MAD1L1: variants seen among roughly 807,000 people sequenced by gnomAD.
MAD1L1 encodes mitotic spindle assembly checkpoint protein MAD1.
MAD1L1 carries 95 observed loss-of-function variants against 96.9 expected under a neutral mutation model. The observed-to-expected ratio is 0.98, with a 90% confidence interval of 0.83 to 1.16. The LOEUF is 1.16. MAD1L1 is among the 50% of genes most tolerant of loss of function. The probability of loss-of-function intolerance (pLI) is 0.00; values close to 1 mark genes in which losing one functional copy is unlikely to be tolerated. For synonymous variants in MAD1L1, 473 were observed against 396.6 expected, an observed-to-expected ratio of 1.19 and a Z score of -2.29; for missense variants, 1,007 against 954.4, an observed-to-expected ratio of 1.06 and a Z score of -0.73.
At chr7:2,153,909 C>G in intron 10 of MAD1L1, among the ~76,000 whole-genome samples, 1 of 152,110 alleles carries the variant, frequency 6.6e-6, no homozygotes, top group East Asian at 1.9e-4. Flanking sequence ...TGTAATCCCA[C>G]CGCTTTGGGA....
chr7:1,910,793 G>A (rs1787966773), intron 17 of MAD1L1, among the ~76,000 whole-genome samples: 1 of 152,170 alleles, frequency 6.6e-6, no homozygotes, highest in Admixed American at 6.5e-5. Context: ...GCCGGGCCCC[G>A]CCCTGGGGAG....
intron 11 of MAD1L1, among the ~76,000 whole-genome samples, chr7:2,092,088 T>C (rs1486945866): frequency 6.6e-6 from 1 of 152,162 alleles, no homozygotes; most frequent in African/African-American, 2.4e-5. Flanking sequence ...GGTGGCACCA[T>C]TTTGCACTCC....
intron 17 of MAD1L1, among the ~76,000 whole-genome samples, chr7:1,931,883 C>T (rs998163550): frequency 6.6e-6 from 1 of 152,190 alleles, no homozygotes; most frequent in African/African-American, 2.4e-5. Context: ...TCTTGGCAGC[C>T]ATCCCTCTTT....
At chr7:1,987,908 C>T (rs1377319937) in intron 14 of MAD1L1, among the ~76,000 whole-genome samples, 1 of 152,214 alleles carries the variant, frequency 6.6e-6, no homozygotes, top group Non-Finnish European at 1.5e-5. Context: ...GGCTCCCAGG[C>T]ACGGGACCAT....
At chr7:1,929,185 CCTCCTCCCTT>C (rs1410523122) in intron 17 of MAD1L1, among the ~76,000 whole-genome samples, 5 of 152,078 alleles carry the variant, frequency 3.3e-5, no homozygotes, top group Non-Finnish European at 2.9e-5. Flanking sequence ...TTTTCTTCCA[CCTCCTCCCTT>C]CTCCTCCCTG....
chr7:2,017,533 G>A (rs1212499877), intron 12 of MAD1L1, among the ~76,000 whole-genome samples: 1 of 152,238 alleles, frequency 6.6e-6, no homozygotes, highest in Non-Finnish European at 1.5e-5. Context: ...CTCTGCCCTG[G>A]CCTGCGATAG....
Position 1,969,095 on chromosome 7 carries a change from G to A in MAD1L1, c.1505+11358C>T, listed in dbSNP as rs111245369. Among the ~76,000 whole-genome samples the A allele has an allele frequency of 1.6e-3, 251 of 152,180 alleles. 2 individuals are homozygous for A. The highest frequency in any genetic ancestry group is 5.7e-3 in the African/African-American group (236 of 41,532). On this transcript the variant is annotated intron_variant, in intron 15 of 18. Coordinates refer to ENST00000265854, the MANE Select transcript of MAD1L1 (RefSeq NM_001013836.2). The stretch of plus-strand genomic sequence containing the variant: ...GGCAATTCCATCTTTTCAAAAAATC[G>A]ACTGTTGGCCAGGTGTGGTGGCTCC...
intron 18 of MAD1L1, among the ~76,000 whole-genome samples, chr7:1,851,680 A>C (rs1386925214): frequency 6.6e-6 from 1 of 152,188 alleles, no homozygotes; most frequent in Non-Finnish European, 1.5e-5. Flanking sequence ...AGGTCCACAC[A>C]GGGGAAGGTG....
chr7:1,880,621 C>T (rs2128663688), intron 18 of MAD1L1, among the ~76,000 whole-genome samples: 1 of 152,330 alleles, frequency 6.6e-6, no homozygotes, highest in African/African-American at 2.4e-5. Context: ...CGTCCCATCT[C>T]AGGGGCCCCA....
chr7:1,863,747 C>T (rs1230349211), intron 18 of MAD1L1, among the ~76,000 whole-genome samples: 1 of 152,182 alleles, frequency 6.6e-6, no homozygotes, highest in Non-Finnish European at 1.5e-5. Flanking sequence ...ACCGTGGGCT[C>T]CCGTGCTCCT....
chr7:1,897,573 C>A (rs999739522), intron 18 of MAD1L1, among the ~76,000 whole-genome samples: 3 of 152,256 alleles, frequency 2.0e-5, no homozygotes, highest in Non-Finnish European at 2.9e-5. Flanking sequence ...CACCTCCACC[C>A]TGAGGGTCAA....
At chr7:2,017,814 C>T (rs537369927) in intron 12 of MAD1L1, among the ~76,000 whole-genome samples, 1 of 152,278 alleles carries the variant, frequency 6.6e-6, no homozygotes, top group African/African-American at 2.4e-5. Context: ...AGGCTGAGAA[C>T]GCCATAGCAG....
At chr7:1,978,044 C>T (rs572608039) in intron 15 of MAD1L1, among the ~76,000 whole-genome samples, 13 of 152,386 alleles carry the variant, frequency 8.5e-5, no homozygotes, top group Admixed American at 2.6e-4. Flanking sequence ...CCCAGACCTT[C>T]CCGATGCGCT....
At chr7:1,976,587 C>A (rs900366346) in intron 15 of MAD1L1, among the ~76,000 whole-genome samples, 2 of 152,230 alleles carry the variant, frequency 1.3e-5, no homozygotes, top group Admixed American at 6.5e-5. Flanking sequence ...AAGAACAAAG[C>A]TCCCACAGCG....
intron 11 of MAD1L1, 74 bp from the exon 12 acceptor site, chr7:2,069,412 G>C: frequency 7.1e-7 from 1 of 1,401,268 alleles, no homozygotes; most frequent in Non-Finnish European, 9.4e-7. Context: ...CCCCACCCCA[G>C]GAACGAGCCC....
At chr7:2,190,860 G>C (rs538916000) in intron 10 of MAD1L1, among the ~76,000 whole-genome samples, 2 of 152,158 alleles carry the variant, frequency 1.3e-5, no homozygotes, top group Non-Finnish European at 2.9e-5. Flanking sequence ...GGGGCCAGCG[G>C]AATTCTCACA....
intron 10 of MAD1L1, among the ~76,000 whole-genome samples, chr7:2,185,801 C>T (rs1791432770): frequency 6.6e-6 from 1 of 152,224 alleles, no homozygotes; most frequent in Non-Finnish European, 1.5e-5. Context: ...AGAATGCGTC[C>T]TCTACCTCCA....
intron 11 of MAD1L1, among the ~76,000 whole-genome samples, chr7:2,110,142 T>A (rs1026720126): frequency 6.6e-6 from 1 of 152,348 alleles, no homozygotes; most frequent in East Asian, 1.9e-4. Context: ...CTCACACACG[T>A]TATCAAAATG....
chr7:1,859,585 A>G lies in MAD1L1; in HGVS notation c.1998+38615T>C, dbSNP rs561741301. ...TTTCTCTGGGGACCTTATGGCACCCATGATGGGGACCTTGCCAGCAAGGAG... is the reference window on the plus strand; with the variant it reads ...TTTCTCTGGGGACCTTATGGCACCCGTGATGGGGACCTTGCCAGCAAGGAG... On this transcript the variant is annotated intron_variant, in intron 18 of 18. Transcript: ENST00000265854. Among the ~76,000 whole-genome samples the G allele has an allele frequency of 2.0e-5, 3 of 152,302 alleles. No homozygotes were observed. In the East Asian group the frequency reaches 5.8e-4, roughly 29 times the overall value.
Sources: gnomAD v4.1 joint callset for allele counts (sites outside exome capture counted in the v4.1 genomes callset) on GRCh38, gnomAD v4.1.1 for gene constraint, MANE v1.5 for transcripts, NCBI Gene and HGNC (gene_info 2026-07-23, HGNC 2026-07-21) for gene names.